The following GLIS3 variants were observed in gnomAD, a reference collection of about 807,000 sequenced individuals.
GLIS3 encodes GLIS family zinc finger 3.
In GLIS3, 53 loss-of-function variants were observed where a neutral mutation model predicts 78.6. The observed-to-expected ratio is 0.67, with a 90% confidence interval of 0.54 to 0.85. GLIS3 has a LOEUF of 0.85. GLIS3 is among the 40% of genes least tolerant of loss of function. The pLI is 0.00. For synonymous variants in GLIS3, 684 were observed against 509.9 expected (o/e 1.34, Z -4.60); for missense variants, 1,703 against 1,231.1 (o/e 1.38, Z -5.74).
chr9:3,838,676 T>C (rs1818518339), intron 9 of GLIS3, among the ~76,000 whole-genome samples: 1 of 152,146 alleles, frequency 6.6e-6, no homozygotes, highest in Admixed American at 6.6e-5. Context: ...CAATCACTAA[T>C]GGTAGTTATG....
At chr9:4,287,409 C>A (rs1563901897) in intron 1 of GLIS3, among the ~76,000 whole-genome samples, 1 of 152,198 alleles carries the variant, frequency 6.6e-6, no homozygotes, top group Non-Finnish European at 1.5e-5. Context: ...CATCACCCAC[C>A]CACGTGATGA....
chr9:3,937,487 C>T lies in GLIS3; in HGVS notation c.1711-298G>A, dbSNP rs188191495. ...CCATCTGGCTCTGTTAATAAAAATACAGTAATGTGTGTCTTAAAGATTTAT... is the reference window on the plus strand; with the variant it reads ...CCATCTGGCTCTGTTAATAAAAATATAGTAATGTGTGTCTTAAAGATTTAT... On this transcript the variant is annotated intron_variant, in intron 4 of 10. Coordinates refer to ENST00000381971, the MANE Select transcript of GLIS3 (RefSeq NM_001042413.2). Among the ~76,000 whole-genome samples, 33 of 152,196 alleles carry T rather than the reference C, an allele frequency of 2.2e-4. No homozygotes were observed. The East Asian group carries it at 3.3e-3, about 15-fold the overall frequency.
At chr9:4,254,324 T>G (rs1017304771) in intron 2 of GLIS3, among the ~76,000 whole-genome samples, 1 of 152,210 alleles carries the variant, frequency 6.6e-6, no homozygotes, top group Admixed American at 6.5e-5. Context: ...CCAAGAAACG[T>G]GTTGGATCTG....
At chr9:4,084,003 C>T (rs1446502113) in intron 4 of GLIS3, among the ~76,000 whole-genome samples, 1 of 152,110 alleles carries the variant, frequency 6.6e-6, no homozygotes, top group Non-Finnish European at 1.5e-5. Context: ...TGCCTCTCTC[C>T]AGGAGTTCAG....
chr9:4,416,472 A>C, the GLIS3 span, among the ~76,000 whole-genome samples: 8 of 152,092 alleles, frequency 5.3e-5, no homozygotes, highest in Admixed American at 5.2e-4. Context: ...CTTGTTCTAA[A>C]AGGTTTATAA....
At chr9:4,197,257 G>A (rs1422038576) in intron 2 of GLIS3, among the ~76,000 whole-genome samples, 2 of 152,104 alleles carry the variant, frequency 1.3e-5, no homozygotes, top group Admixed American at 6.5e-5. Flanking sequence ...GAGATGCTGT[G>A]CAAGGGGGCC....
At chr9:4,402,585 A>G in the GLIS3 span, among the ~76,000 whole-genome samples, 24 of 152,348 alleles carry the variant, frequency 1.6e-4, no homozygotes, top group South Asian at 4.6e-3. Flanking sequence ...AACACAGAGA[A>G]GGAATTCAGA....
intron 2 of GLIS3, among the ~76,000 whole-genome samples, chr9:4,234,144 T>C (rs1587077215): frequency 6.6e-6 from 1 of 152,214 alleles, no homozygotes; most frequent in East Asian, 1.9e-4. Flanking sequence ...GATATTTTGC[T>C]TCCATATCCT....
At chr9:4,004,534 T>C (rs185900068) in intron 4 of GLIS3, among the ~76,000 whole-genome samples, 2 of 152,114 alleles carry the variant, frequency 1.3e-5, no homozygotes, top group African/African-American at 4.8e-5. Flanking sequence ...CCTCAAACAG[T>C]TGGCAAGCAA....
the GLIS3 span, among the ~76,000 whole-genome samples, chr9:4,457,360 C>CAAA: frequency 0.016 from 2,020 of 125,676 alleles, 48 homozygotes; most frequent in South Asian, 0.05. Flanking sequence ...GACCTTGTCT[C>CAAA]AAAAAAAAAA....
At chr9:4,462,507 A>G in the GLIS3 span, among the ~76,000 whole-genome samples, 1 of 152,096 alleles carries the variant, frequency 6.6e-6, no homozygotes, top group Non-Finnish European at 1.5e-5. Context: ...CTGTAATCCC[A>G]GCACTTTGGG....
chr9:4,064,089 AT>A (rs1037165467), intron 4 of GLIS3, among the ~76,000 whole-genome samples: 1 of 152,228 alleles, frequency 6.6e-6, no homozygotes, highest in Non-Finnish European at 1.5e-5. Flanking sequence ...AAGTAATAGA[AT>A]AAGGCAACAT....
the GLIS3 span, among the ~76,000 whole-genome samples, chr9:4,490,107 G>A: frequency 6.6e-6 from 1 of 152,184 alleles, no homozygotes; most frequent in South Asian, 2.1e-4. Context: ...TAGCTGGTGT[G>A]GAGAACGGAG....
chr9:4,251,549 T>C (rs1271914605), intron 2 of GLIS3, among the ~76,000 whole-genome samples: 1 of 152,140 alleles, frequency 6.6e-6, no homozygotes, highest in Non-Finnish European at 1.5e-5. Context: ...CCAATGAGTC[T>C]TGAGTCTTTA....
chr9:3,975,067 G>T (rs578086063), intron 4 of GLIS3: 52 of 152,060 alleles, frequency 3.4e-4, no homozygotes, highest in African/African-American at 1.2e-3. Flanking sequence ...GAATTTCTGG[G>T]GTTGCAATGT....
intron 4 of GLIS3, among the ~76,000 whole-genome samples, chr9:4,061,297 T>C (rs1286270221): frequency 6.8e-6 from 1 of 147,034 alleles, no homozygotes; most frequent in Non-Finnish European, 1.5e-5. Context: ...TTCCCACCTA[T>C]GAGTGAGAAC....
chr9:4,327,358 G>A (rs958370958), intron 2 of GLIS3, among the ~76,000 whole-genome samples: 1 of 152,054 alleles, frequency 6.6e-6, no homozygotes, highest in Non-Finnish European at 1.5e-5. Flanking sequence ...GAGGAGAGGA[G>A]GATGTGATAT....
intron 1 of GLIS3, chr9:4,347,203 C>G (rs1817907406): frequency 6.6e-6 from 1 of 152,170 alleles, no homozygotes; most frequent in Non-Finnish European, 1.5e-5. Flanking sequence ...GATCACATGA[C>G]AAGAAAGAGA....
intron 2 of GLIS3, among the ~76,000 whole-genome samples, chr9:4,159,485 G>A (rs531597649): frequency 1.3e-5 from 2 of 152,272 alleles, no homozygotes; most frequent in Admixed American, 1.3e-4. Context: ...TTAGGAGCCC[G>A]AGGCAGGTGG....
Sources: gnomAD v4.1 joint callset for allele counts (sites outside exome capture counted in the v4.1 genomes callset) on GRCh38, gnomAD v4.1.1 for gene constraint, MANE v1.5 for transcripts, NCBI Gene and HGNC (gene_info 2026-07-23, HGNC 2026-07-21) for gene names.